Variants in RPS6KC1 observed in about 807,000 individuals in gnomAD.
RPS6KC1 encodes the protein ribosomal protein S6 kinase C1.
A neutral mutation model predicts 103.8 loss-of-function variants in RPS6KC1; 54 were observed. The observed-to-expected ratio is 0.52, with a 90% CI of 0.42 to 0.65. The LOEUF is 0.65. Among genes scored for constraint, RPS6KC1 ranks in the 30% least tolerant of loss-of-function variants. The pLI is 0.00. For synonymous variants in RPS6KC1, 439 were observed against 438.7 expected, an observed-to-expected ratio of 1.00 and a Z score of -0.01; for missense variants, 1,151 against 1,253.8, an observed-to-expected ratio of 0.92 and a Z score of 1.24.
the RPS6KC1 span, among the ~76,000 whole-genome samples, chr1:213,420,215 C>T: frequency 3.3e-5 from 5 of 152,192 alleles, no homozygotes; most frequent in Non-Finnish European, 5.9e-5. Context: ...CTGGGCAGCT[C>T]GGCCCCTGCT....
chr1:213,661,156 C>G, the RPS6KC1 span, among the ~76,000 whole-genome samples: 1 of 152,134 alleles, frequency 6.6e-6, no homozygotes, highest in Admixed American at 6.5e-5. Flanking sequence ...TCTACCCTAG[C>G]AAATGGGGAA....
the RPS6KC1 span, among the ~76,000 whole-genome samples, chr1:213,312,251 A>T: frequency 2.6e-5 from 4 of 151,772 alleles, 1 homozygote; most frequent in African/African-American, 4.8e-5. Flanking sequence ...CTCCCAGTGC[A>T]GGGGGGGCAA....
the RPS6KC1 span, among the ~76,000 whole-genome samples, chr1:213,811,034 A>G: frequency 6.6e-6 from 1 of 152,092 alleles, no homozygotes; most frequent in African/African-American, 2.4e-5. Flanking sequence ...ACAAAACAAA[A>G]TAGTCCCCAT....
chr1:213,153,040 C>T (rs1266326316), intron 6 of RPS6KC1, among the ~76,000 whole-genome samples: 1 of 152,258 alleles, frequency 6.6e-6, no homozygotes, highest in African/African-American at 2.4e-5. Flanking sequence ...GGGCTGGAGA[C>T]CGGCCTGGCC....
chr1:213,578,673 A>G, the RPS6KC1 span, among the ~76,000 whole-genome samples: 1 of 150,716 alleles, frequency 6.6e-6, no homozygotes, highest in Non-Finnish European at 1.5e-5. Flanking sequence ...TGGGGCCTGT[A>G]GCCCCTTCAT....
At chr1:213,233,440 T>A (rs1488699396) in intron 10 of RPS6KC1, among the ~76,000 whole-genome samples, 3 of 152,162 alleles carry the variant, frequency 2.0e-5, no homozygotes, top group Non-Finnish European at 4.4e-5. Context: ...ACAAAATAAC[T>A]TGCGTAGTAA....
At chr1:213,406,410 T>G in the RPS6KC1 span, among the ~76,000 whole-genome samples, 1 of 152,168 alleles carries the variant, frequency 6.6e-6, no homozygotes, top group African/African-American at 2.4e-5. Context: ...TGTGGTCAGA[T>G]ACTTTATAGA....
chr1:213,206,378 C>G (rs760433161), intron 8 of RPS6KC1, among the ~76,000 whole-genome samples: 6 of 152,220 alleles, frequency 3.9e-5, no homozygotes, highest in African/African-American at 7.2e-5. Context: ...ATCAATTTAA[C>G]AAATACCTTT....
chr1:213,436,286 C>A, the RPS6KC1 span, among the ~76,000 whole-genome samples: 2,203 of 152,208 alleles, frequency 0.014, 46 homozygotes, highest in African/African-American at 0.045. Context: ...TGTTCAATAG[C>A]TATATGTGGT....
chr1:213,262,649 T>C, intron 13 of RPS6KC1, 72 bp from the exon 14 acceptor site: 4 of 978,236 alleles, frequency 4.1e-6, no homozygotes, highest in Non-Finnish European at 6.6e-6. Flanking sequence ...GTACTTGCTG[T>C]CCATAAATCC....
At chr1:213,843,933 G>A in the RPS6KC1 span, among the ~76,000 whole-genome samples, 1 of 151,534 alleles carries the variant, frequency 6.6e-6, no homozygotes, top group Non-Finnish European at 1.5e-5. Flanking sequence ...ATGTCAGAAA[G>A]AGAGCAGAGT....
chr1:213,260,827 T>C (rs2094774267), intron 12 of RPS6KC1, among the ~76,000 whole-genome samples: 1 of 150,908 alleles, frequency 6.6e-6, no homozygotes, highest in Admixed American at 6.6e-5. Flanking sequence ...AGATGACACC[T>C]GAAAACTCAA....
At chr1:213,062,028 C>G (rs2077885012) in intron 1 of RPS6KC1, among the ~76,000 whole-genome samples, 1 of 152,074 alleles carries the variant, frequency 6.6e-6, no homozygotes. Context: ...CTTATCAATA[C>G]TAGTTTCTAA....
intron 12 of RPS6KC1, among the ~76,000 whole-genome samples, chr1:213,248,503 C>A (rs2094492285): frequency 6.6e-6 from 1 of 152,080 alleles, no homozygotes; most frequent in Non-Finnish European, 1.5e-5. Flanking sequence ...GAGACTTTTC[C>A]ACTGAAGAAA....
chr1:213,260,035 G>C (rs1417561596), intron 12 of RPS6KC1, among the ~76,000 whole-genome samples: 3 of 152,108 alleles, frequency 2.0e-5, no homozygotes, highest in Admixed American at 2.0e-4. Flanking sequence ...CACCTCGCCT[G>C]GCCCTATTTA....
chr1:213,580,976 G>T, the RPS6KC1 span, among the ~76,000 whole-genome samples: 1 of 152,038 alleles, frequency 6.6e-6, no homozygotes, highest in Non-Finnish European at 1.5e-5. Context: ...TATACAGGAA[G>T]ATGTACATAG....
chr1:213,604,161 G>C, the RPS6KC1 span, among the ~76,000 whole-genome samples: 1 of 152,178 alleles, frequency 6.6e-6, no homozygotes, highest in South Asian at 2.1e-4. Flanking sequence ...ATAATATTTG[G>C]TTATATATCC....
At chr1:213,812,371 C>G in the RPS6KC1 span, among the ~76,000 whole-genome samples, 1 of 152,206 alleles carries the variant, frequency 6.6e-6, no homozygotes, top group South Asian at 2.1e-4. Flanking sequence ...TGCACTATTA[C>G]TGAACTTCAG....
the RPS6KC1 span, among the ~76,000 whole-genome samples, chr1:213,516,604 T>G: frequency 1.3e-5 from 2 of 152,254 alleles, no homozygotes; most frequent in East Asian, 3.9e-4. Context: ...TGGATAAAGT[T>G]TTTGATGTGC....
Sources: allele counts gnomAD v4.1 joint callset (sites outside exome capture counted in the v4.1 genomes callset), GRCh38; gene constraint gnomAD v4.1.1; transcripts MANE v1.5; gene names NCBI Gene and HGNC (gene_info 2026-07-23, HGNC 2026-07-21).